ACSM6: variants seen among roughly 807,000 people sequenced by gnomAD.
ACSM6 encodes acyl-CoA synthetase medium chain family member 6, also known as acyl-coenzyme A synthetase ACSM6, mitochondrial.
ACSM6 carries 35 observed loss-of-function variants against 51.1 expected under a neutral mutation model. That is an observed-to-expected ratio of 0.69 (90% CI 0.52 to 0.91). The LOEUF is 0.91. Among genes scored for constraint, ACSM6 ranks in the 40% least tolerant of loss-of-function variants. The probability of loss-of-function intolerance (pLI) is 0.00; values close to 1 mark genes in which losing one functional copy is unlikely to be tolerated. For synonymous variants in ACSM6, 172 were observed against 207.3 expected, an observed-to-expected ratio of 0.83 and a Z score of 1.46; for missense variants, 509 against 584.1, an observed-to-expected ratio of 0.87 and a Z score of 1.32.
chr10:95,216,833 C>A (rs2034949779), intron 8 of ACSM6, among the ~76,000 whole-genome samples: 1 of 152,172 alleles, frequency 6.6e-6, no homozygotes, highest in African/African-American at 2.4e-5. Context: ...GTTCCTTAAC[C>A]ACTCAATTGA....
chr10:95,228,249 G>C (rs656155), intron 10 of ACSM6: 11,100 of 157,558 alleles, frequency 0.07, 497 homozygotes, highest in Middle Eastern at 0.23. Context: ...AAAATTAAAG[G>C]CACAATTCAA....
chr10:95,202,938 C>CA (rs35376103), intron 3 of ACSM6, among the ~76,000 whole-genome samples: 39,739 of 85,598 alleles, frequency 0.46, 7,596 homozygotes, highest in Non-Finnish European at 0.49. Context: ...GGCTCTGTCT[C>CA]AAAAAAAAAA....
chr10:95,223,707 C>A (rs1280540678), intron 9 of ACSM6, among the ~76,000 whole-genome samples: 1 of 152,030 alleles, frequency 6.6e-6, no homozygotes, highest in East Asian at 1.9e-4. Context: ...ACAGAAACCC[C>A]ATAGCTCACA....
Position 95,194,464 on chromosome 10 carries a change from G to C in ACSM6, c.-21-1G>C. The stretch of plus-strand genomic sequence containing the variant: ...CCCTGTCTTTTCCTCAATTTACCTA[G>C]GTGGTTCCCTGTCTGACCCAAATGC... On this transcript the variant is annotated splice_acceptor_variant, in intron 1 of 10. Transcript: ENST00000341686. LOFTEE classifies it low-confidence loss of function (5UTR_SPLICE). The C allele has an allele frequency of 6.5e-7, 1 of 1,548,708 alleles. No homozygotes were observed. The highest frequency in any genetic ancestry group is 8.7e-7 in the Non-Finnish European group (1 of 1,144,806).
intron 8 of ACSM6, among the ~76,000 whole-genome samples, chr10:95,215,882 G>C (rs2034939318): frequency 6.6e-6 from 1 of 152,178 alleles, no homozygotes; most frequent in Non-Finnish European, 1.5e-5. Context: ...CAGGGAGAGA[G>C]AGAGAGACCA....
exon 2 of ACSM6, chr10:95,194,566 A>G (rs774048200): frequency 8.4e-6 from 13 of 1,551,890 alleles, no homozygotes; most frequent in Non-Finnish European, 8.7e-6. Context: ...CAAACCAAAA[A>G]TGTGCTACTC....
chr10:95,212,016 C>T, exon 6 of ACSM6: 1 of 1,614,034 alleles, frequency 6.2e-7, no homozygotes, highest in Non-Finnish European at 8.5e-7. Flanking sequence ...CAACCTTCTG[C>T]CCTGAGACTG....
chr10:95,213,112 C>A (rs1002888669), intron 7 of ACSM6, among the ~76,000 whole-genome samples, 172 bp downstream of exon 7: 1 of 152,108 alleles, frequency 6.6e-6, no homozygotes, highest in African/African-American at 2.4e-5. Flanking sequence ...TATTCCCTTG[C>A]AACTTGAAAT....
chr10:95,209,391 T>C (rs2034872917), intron 4 of ACSM6, among the ~76,000 whole-genome samples: 1 of 152,020 alleles, frequency 6.6e-6, no homozygotes, highest in Admixed American at 6.5e-5. Context: ...GGAGGTCATG[T>C]AGGAGTCGTC....
chr10:95,194,598 C>G (rs1368846171), exon 2 of ACSM6: 8 of 1,552,052 alleles, frequency 5.2e-6, no homozygotes, highest in Non-Finnish European at 7.0e-6. Context: ...CCCCCTGACT[C>G]CAGGTGCCTA....
At chr10:95,201,505 G>A (rs2133373219) in intron 2 of ACSM6, 2 of 455,882 alleles carry the variant, frequency 4.4e-6, no homozygotes, top group South Asian at 1.6e-5. Flanking sequence ...TTCCATGGCT[G>A]AGTAATATTC....
chr10:95,200,411 T>C (rs2034780051), intron 2 of ACSM6, among the ~76,000 whole-genome samples: 1 of 151,322 alleles, frequency 6.6e-6, no homozygotes, highest in Non-Finnish European at 1.5e-5. Context: ...GACGAGTTAA[T>C]GGGTGCCGCA....
At chr10:95,202,650 G>GCAGTGGCTCACACCTGTAATTC (rs1156756705) in intron 3 of ACSM6, among the ~76,000 whole-genome samples, 1 of 152,078 alleles carries the variant, frequency 6.6e-6, no homozygotes, top group African/African-American at 2.4e-5. Context: ...GGTACTGGGT[G>GCAGTGGCTCACACCTGTAATTC]CAGTGGCTCA....
chr10:95,202,130 G>C, exon 3 of ACSM6: 1 of 1,552,222 alleles, frequency 6.4e-7, no homozygotes, highest in Admixed American at 2.0e-5. Context: ...CATGGAGACC[G>C]GCTGATGATA....
At position 95,219,217 on chromosome 10, in the gene ACSM6, T is replaced by C. The variant is rs563177425; in HGVS notation, c.1120-674T>C. Among the ~76,000 whole-genome samples, 17 of 152,330 alleles carry C rather than the reference T, an allele frequency of 1.1e-4. 1 individual carries two copies. The highest frequency in any genetic ancestry group is 2.6e-4 in the African/African-American group (11 of 41,576). ...TTACTTATTTTTGAGACATTTATTATTGAAAATCTCAAAAGACAAAAATAG... is the reference window on the plus strand; with the variant it reads ...TTACTTATTTTTGAGACATTTATTACTGAAAATCTCAAAAGACAAAAATAG... On this transcript the variant is annotated intron_variant, in intron 8 of 10. Coordinates refer to ENST00000341686, the Ensembl canonical transcript of ACSM6.
chr10:95,221,009 G>A (rs2034990267), intron 9 of ACSM6, among the ~76,000 whole-genome samples: 1 of 151,222 alleles, frequency 6.6e-6, no homozygotes, highest in Admixed American at 6.6e-5. Context: ...TTAGAGACAT[G>A]AATAAAATGA....
At chr10:95,209,899 G>A (rs545257298) in intron 4 of ACSM6, among the ~76,000 whole-genome samples, 28 of 151,896 alleles carry the variant, frequency 1.8e-4, no homozygotes, top group African/African-American at 6.5e-4. Flanking sequence ...AGTTTTATTG[G>A]AACCAGGGAC....
Position 95,228,631 on chromosome 10 carries a change from A to ATCAT in ACSM6, c.1303-10_1303-7dup, listed in dbSNP as rs1366551841. 17 of 1,549,838 alleles carry ATCAT rather than the reference A, an allele frequency of 1.1e-5. No homozygotes were observed. Among genetic ancestry groups the ATCAT allele is most frequent in the Admixed American group, 2.0e-5 (1 of 50,626 alleles). On this transcript the variant is annotated splice_polypyrimidine_tract_variant and intron_variant, in intron 10 of 10. Transcript: ENST00000341686. ...GAAGTAAATGTAGGTTTCTGGATTC[A>ATCAT]TCATTCTATCAGGTGAGCTGGGAGG...
chr10:95,206,547 C>T (rs756308961), intron 3 of ACSM6, among the ~76,000 whole-genome samples: 2 of 152,082 alleles, frequency 1.3e-5, no homozygotes, highest in African/African-American at 4.8e-5. Flanking sequence ...AGATCCTTTT[C>T]CAAAAATCAA....
Sources: allele counts gnomAD v4.1 joint callset (sites outside exome capture counted in the v4.1 genomes callset), GRCh38; gene constraint gnomAD v4.1.1; transcripts MANE v1.5; gene names NCBI Gene and HGNC (gene_info 2026-07-23, HGNC 2026-07-21).